The following JAK1 variants were observed in gnomAD, a reference collection of about 807,000 sequenced individuals.
JAK1 encodes Janus kinase 1.
JAK1 carries 16 observed loss-of-function variants against 136.6 expected under a neutral mutation model. The observed-to-expected ratio is 0.12, with a 90% CI of 0.08 to 0.18. JAK1 has a LOEUF of 0.18. Among genes scored for constraint, JAK1 ranks in the 10% least tolerant of loss-of-function variants. The probability of loss-of-function intolerance (pLI) is 1.00; values close to 1 mark genes in which losing one functional copy is unlikely to be tolerated. For missense variants in JAK1, 859 were observed against 1,450.1 expected (o/e 0.59, Z 6.62); for synonymous variants, 492 against 519.5 (o/e 0.95, Z 0.72).
In JAK1 at chr1:64,951,325, A is replaced by AGT. The variant is rs577909225; in HGVS notation, c.-78+15007_-78+15008insAC. 4.3e-3 allele frequency among the ~76,000 whole-genome samples: 650 copies of AGT among 152,310 alleles called. 3 individuals are homozygous for AGT. Among genetic ancestry groups the AGT allele is most frequent in the Non-Finnish European group, 5.9e-3 (404 of 68,032 alleles). ...AACTGTGTGGCAATATTCCTCTTTC[A>AGT]ATGTTGCCTGATCCTTCCTTACTCC... On this transcript the variant is annotated intron_variant, in intron 1 of 24. Coordinates refer to ENST00000342505, the MANE Select transcript of JAK1 (RefSeq NM_002227.4).
intron 2 of JAK1, chr1:64,974,121 G>A (rs1569795144): frequency 6.6e-6 from 1 of 152,062 alleles, no homozygotes. Flanking sequence ...TCAATACATA[G>A]GTATCACACA....
intron 1 of JAK1, among the ~76,000 whole-genome samples, chr1:64,906,826 C>A (rs1320338639): frequency 7.9e-5 from 12 of 152,156 alleles, no homozygotes; most frequent in Non-Finnish European, 2.9e-5. Flanking sequence ...TAGGGAAGGA[C>A]TGTTTCTGCT....
chr1:65,014,293 T>C (rs1646874390), intron 2 of JAK1, among the ~76,000 whole-genome samples: 1 of 151,216 alleles, frequency 6.6e-6, no homozygotes, highest in South Asian at 2.1e-4. Context: ...ATGAAATTAA[T>C]TCACATACTC....
chr1:64,973,505 G>A (rs1023118142), intron 2 of JAK1, among the ~76,000 whole-genome samples: 1 of 151,518 alleles, frequency 6.6e-6, no homozygotes, highest in Non-Finnish European at 1.5e-5. Context: ...AGATTTCAAT[G>A]GATGTTCTGA....
chr1:64,893,190 T>C lies in JAK1; in HGVS notation c.-77-6849A>G, dbSNP rs150332245. On this transcript the variant is annotated intron_variant, in intron 1 of 24. Coordinates refer to ENST00000342505, the MANE Select transcript of JAK1 (RefSeq NM_002227.4). ...GGAAGAAGGAAAATCACAAGCACAA[T>C]TGTGCAGGAAAGAGTATGCAGACAG... 3.4e-3 allele frequency among the ~76,000 whole-genome samples: 517 copies of C among 151,876 alleles called. 5 individuals are homozygous for C. Among genetic ancestry groups the C allele is most frequent in the African/African-American group, 0.012 (493 of 41,354 alleles).
intron 17 of JAK1, among the ~76,000 whole-genome samples, chr1:64,841,979 A>G (rs1322507147): frequency 6.6e-6 from 1 of 152,256 alleles, no homozygotes; most frequent in Non-Finnish European, 1.5e-5. Context: ...ATATTTATGT[A>G]CAAGGATGTT....
At chr1:64,888,914 G>C (rs182331012) in intron 1 of JAK1, among the ~76,000 whole-genome samples, 2 of 152,276 alleles carry the variant, frequency 1.3e-5, no homozygotes, top group African/African-American at 2.4e-5. Context: ...GATAAAAATA[G>C]AAAACACCCA....
At chr1:64,927,695 G>T (rs1645605163) in intron 1 of JAK1, among the ~76,000 whole-genome samples, 1 of 152,188 alleles carries the variant, frequency 6.6e-6, no homozygotes, top group South Asian at 2.1e-4. Context: ...TAAACATCCT[G>T]CAAAGTGCCA....
In JAK1 at chr1:64,855,542, T is replaced by C. The variant is rs1373387449; in HGVS notation, c.1615A>G (p.Met539Val). The C allele has an allele frequency of 6.2e-7, 1 of 1,614,158 alleles. No individual in the cohort carries two copies. The highest frequency in any genetic ancestry group is 2.2e-5 in the East Asian group (1 of 44,880). The part of the protein sequence containing the change: ...QILRTDNISF[M>V]LKRCCQPKPR... ...TTGGGCTGGCAGCAGCGTTTTAGCA[T>C]GAAGCTGATGTTATCCGTGCGCAGG... Residue 539 changes from methionine to valine, a missense_variant, in exon 11 of 25, where the codon ATG becomes GTG. Met to Val is a conservative substitution (Grantham distance 21). Coordinates refer to ENST00000342505, the MANE Select transcript of JAK1 (RefSeq NM_002227.4).
intron 2 of JAK1, among the ~76,000 whole-genome samples, chr1:65,040,982 C>T (rs1296150142): frequency 6.6e-6 from 1 of 152,126 alleles, no homozygotes; most frequent in Admixed American, 6.5e-5. Flanking sequence ...TATATCATCG[C>T]TCCTGTTGCT....
intron 1 of JAK1, among the ~76,000 whole-genome samples, chr1:64,891,819 T>C (rs983925260): frequency 6.6e-6 from 1 of 152,238 alleles, no homozygotes; most frequent in Non-Finnish European, 1.5e-5. Flanking sequence ...CTTTTCTATA[T>C]GCCACTCCTG....
chr1:64,962,343 T>C (rs146618696), intron 1 of JAK1, among the ~76,000 whole-genome samples: 28 of 152,360 alleles, frequency 1.8e-4, no homozygotes, highest in Middle Eastern at 3.4e-3. Context: ...CTCTATCTTC[T>C]GGCCAGAGTA....
intron 19 of JAK1, among the ~76,000 whole-genome samples, chr1:64,840,052 T>A (rs1654789891): frequency 6.6e-6 from 1 of 152,202 alleles, no homozygotes; most frequent in Admixed American, 6.5e-5. Flanking sequence ...TCAATCCCAA[T>A]TTCTATGACC....
At chr1:64,950,348 A>C (rs1237935639) in intron 1 of JAK1, among the ~76,000 whole-genome samples, 1 of 151,868 alleles carries the variant, frequency 6.6e-6, no homozygotes, top group Non-Finnish European at 1.5e-5. Context: ...CAGAGGTTGC[A>C]GTGAGCCGAG....
At chr1:64,949,896 A>T (rs1646051179) in intron 1 of JAK1, among the ~76,000 whole-genome samples, 1 of 152,348 alleles carries the variant, frequency 6.6e-6, no homozygotes, top group African/African-American at 2.4e-5. Context: ...TTATTCTATC[A>T]TAGATTACTT....
chr1:65,007,751 T>C (rs1250324539), intron 2 of JAK1, among the ~76,000 whole-genome samples: 1 of 150,556 alleles, frequency 6.6e-6, no homozygotes, highest in Non-Finnish European at 1.5e-5. Context: ...GTATGTTTTT[T>C]TTTTTTCTTT....
At chr1:64,989,002 G>GTGTA (rs545656432) in intron 2 of JAK1, among the ~76,000 whole-genome samples, 4,204 of 129,094 alleles carry the variant, frequency 0.033, 105 homozygotes, top group Admixed American at 0.11. Context: ...GTGTGTGTGT[G>GTGTA]TATATATATA....
At chr1:64,834,760 AC>A in intron 24 of JAK1, 103 bp from the exon 25 acceptor site, 1 of 743,008 alleles carries the variant, frequency 1.3e-6, no homozygotes, top group Admixed American at 2.5e-5. Context: ...AAATGCAATG[AC>A]TTTTCCTTAA....
Position 64,862,769 on chromosome 1 carries a change from C to T in JAK1, c.1176+2018G>A, listed in dbSNP as rs187919731. 9.8e-5 allele frequency among the ~76,000 whole-genome samples: 15 copies of T among 152,338 alleles called. No individual in the cohort carries two copies. The East Asian group carries it at 2.5e-3, about 25-fold the overall frequency. On this transcript the variant is annotated intron_variant, in intron 8 of 24. Coordinates refer to ENST00000342505, the MANE Select transcript of JAK1 (RefSeq NM_002227.4). ...CTTCGGGGTCTCTGGGGGATGATAACGCCTTAGAAGCCAAAGCAACACAGG... is the reference window on the plus strand; with the variant it reads ...CTTCGGGGTCTCTGGGGGATGATAATGCCTTAGAAGCCAAAGCAACACAGG...
Sources: allele counts gnomAD v4.1 joint callset (sites outside exome capture counted in the v4.1 genomes callset), GRCh38; gene constraint gnomAD v4.1.1; transcripts MANE v1.5; gene names NCBI Gene and HGNC (gene_info 2026-07-23, HGNC 2026-07-21).